Variants in TENM2 observed in about 807,000 individuals in gnomAD.
TENM2 encodes the protein teneurin-2.
In TENM2, 52 loss-of-function variants were observed where a neutral mutation model predicts 245.2. That is an observed-to-expected ratio of 0.21 (90% CI 0.17 to 0.27). TENM2 has a LOEUF of 0.27. TENM2 is among the 10% of genes least tolerant of loss of function. TENM2 has a pLI of 1.00. For synonymous variants in TENM2, 1,363 were observed against 1,438.9 expected (o/e 0.95, Z 1.19); for missense variants, 3,046 against 3,666.8 (o/e 0.83, Z 4.37).
chr5:167,163,670 G>A, the TENM2 span, among the ~76,000 whole-genome samples: 3 of 152,030 alleles, frequency 2.0e-5, no homozygotes, highest in African/African-American at 4.8e-5. Context: ...TGCTGATTAC[G>A]GTAACCACAG....
At chr5:167,678,506 C>G (rs1415841876) in intron 2 of TENM2, among the ~76,000 whole-genome samples, 5 of 152,144 alleles carry the variant, frequency 3.3e-5, no homozygotes, top group Non-Finnish European at 7.4e-5. Flanking sequence ...CCACCGGAGT[C>G]TGTGTTTCTG....
chr5:167,213,799 A>T, the TENM2 span, among the ~76,000 whole-genome samples: 5,638 of 152,262 alleles, frequency 0.037, 352 homozygotes, highest in African/African-American at 0.13. Flanking sequence ...CTATATTCCT[A>T]TGGGAAAATT....
intron 12 of TENM2, among the ~76,000 whole-genome samples, chr5:168,136,203 T>C (rs1457792110): frequency 6.6e-6 from 1 of 152,174 alleles, no homozygotes; most frequent in African/African-American, 2.4e-5. Context: ...CCAAGACAGA[T>C]AGGACTGAAA....
intron 1 of TENM2, among the ~76,000 whole-genome samples, chr5:167,317,379 C>T (rs1376864810): frequency 1.3e-5 from 2 of 152,226 alleles, no homozygotes; most frequent in East Asian, 3.9e-4. Flanking sequence ...GTTGCTCTTT[C>T]ATCCTACCAT....
At chr5:168,162,992 A>G (rs1395655089) in intron 13 of TENM2, among the ~76,000 whole-genome samples, 5 of 152,344 alleles carry the variant, frequency 3.3e-5, no homozygotes, top group East Asian at 1.9e-4. Context: ...CCAAGTGCCC[A>G]TTGCCACATA....
intron 12 of TENM2, among the ~76,000 whole-genome samples, chr5:168,127,357 T>G (rs1795931332): frequency 6.6e-6 from 1 of 152,120 alleles, no homozygotes; most frequent in Non-Finnish European, 1.5e-5. Flanking sequence ...GGCAACAAGG[T>G]GAACTCACTA....
intron 1 of TENM2, among the ~76,000 whole-genome samples, chr5:167,292,809 G>T (rs1216606713): frequency 6.6e-6 from 1 of 152,216 alleles, no homozygotes. Flanking sequence ...GATGGTTTTG[G>T]AGAGACCTCT....
chr5:168,157,216 G>A (rs1373360377), intron 12 of TENM2, among the ~76,000 whole-genome samples: 1 of 152,138 alleles, frequency 6.6e-6, no homozygotes, highest in Non-Finnish European at 1.5e-5. Flanking sequence ...ATTGAAGTTA[G>A]GGAGGTGAGA....
chr5:167,924,359 T>A (rs140795050), intron 3 of TENM2, among the ~76,000 whole-genome samples: 11 of 152,258 alleles, frequency 7.2e-5, no homozygotes, highest in African/African-American at 2.6e-4. Context: ...TTCAGGCGAG[T>A]CAATAGGATG....
intron 2 of TENM2, among the ~76,000 whole-genome samples, chr5:167,611,310 T>C (rs1231828992): frequency 1.3e-5 from 2 of 152,106 alleles, no homozygotes; most frequent in Non-Finnish European, 2.9e-5. Context: ...GGAGCAACCA[T>C]GGGTGAAACA....
the TENM2 span, among the ~76,000 whole-genome samples, chr5:167,258,871 A>G: frequency 6.6e-6 from 1 of 151,824 alleles, no homozygotes; most frequent in Non-Finnish European, 1.5e-5. Context: ...CACAATGACA[A>G]AAAAAGGGTT....
At chr5:167,528,236 T>C (rs1245541241) in intron 2 of TENM2, among the ~76,000 whole-genome samples, 3 of 152,130 alleles carry the variant, frequency 2.0e-5, no homozygotes, top group Admixed American at 6.6e-5. Flanking sequence ...ATAAGAAAGG[T>C]CATTCCTTCC....
chr5:167,775,950 A>G (rs1763735317), intron 2 of TENM2, among the ~76,000 whole-genome samples: 2 of 152,188 alleles, frequency 1.3e-5, no homozygotes, highest in South Asian at 4.1e-4. Context: ...ATTTTGAACC[A>G]TTTTCAAGAG....
At chr5:167,361,767 G>C (rs1055234429) in intron 1 of TENM2, among the ~76,000 whole-genome samples, 2 of 152,178 alleles carry the variant, frequency 1.3e-5, no homozygotes, top group Non-Finnish European at 2.9e-5. Flanking sequence ...TCATGAAGCT[G>C]TTGTCTCTAT....
intron 2 of TENM2, among the ~76,000 whole-genome samples, chr5:167,423,126 G>T (rs528620268): frequency 6.6e-6 from 1 of 151,740 alleles, no homozygotes; most frequent in Non-Finnish European, 1.5e-5. Context: ...AATACACATT[G>T]TTAGTGTCAC....
At chr5:168,126,336 T>C (rs1181964117) in intron 11 of TENM2, among the ~76,000 whole-genome samples, 2 of 152,180 alleles carry the variant, frequency 1.3e-5, no homozygotes, top group African/African-American at 4.8e-5. Flanking sequence ...AGGTGGGTAC[T>C]TCCCGGTTAG....
chr5:167,047,491 G>A, the TENM2 span, among the ~76,000 whole-genome samples: 1 of 76,514 alleles, frequency 1.3e-5, no homozygotes, highest in South Asian at 3.3e-4. Flanking sequence ...TTTATAATGT[G>A]AGAATTAGAA....
chr5:168,219,278 G>A (rs1763462104), intron 23 of TENM2, among the ~76,000 whole-genome samples: 1 of 152,118 alleles, frequency 6.6e-6, no homozygotes, highest in African/African-American at 2.4e-5. Flanking sequence ...CACAGCACCT[G>A]GGAGGTAAAA....
chr5:167,627,424 G>A (rs1778579314), intron 2 of TENM2, among the ~76,000 whole-genome samples: 1 of 152,056 alleles, frequency 6.6e-6, no homozygotes. Context: ...AAGACCATAA[G>A]ATGATAATTC....
Sources: gnomAD v4.1 joint callset for allele counts (sites outside exome capture counted in the v4.1 genomes callset) on GRCh38, gnomAD v4.1.1 for gene constraint, MANE v1.5 for transcripts, NCBI Gene and HGNC (gene_info 2026-07-23, HGNC 2026-07-21) for gene names.